SIN3B: variants seen among roughly 807,000 people sequenced by gnomAD.
SIN3B encodes the protein SIN3 transcription regulator family member B, also known as paired amphipathic helix protein Sin3b.
A neutral mutation model predicts 120.2 loss-of-function variants in SIN3B; 19 were observed. That is an observed-to-expected ratio of 0.16 (90% CI 0.11 to 0.23). The LOEUF is 0.23. Ranked by LOEUF, SIN3B falls within the 10% of genes least tolerant of loss-of-function variation. The pLI is 1.00. For synonymous variants in SIN3B, 654 were observed against 653.2 expected (o/e 1.00, Z -0.02); for missense variants, 1,073 against 1,573.0 (o/e 0.68, Z 5.38).
In SIN3B at chr19:16,862,217, T is replaced by C; in HGVS notation, c.1059-135T>C. 1 of 701,618 alleles carries C rather than the reference T, an allele frequency of 1.4e-6. No homozygotes were observed. Among genetic ancestry groups the C allele is most frequent in the Non-Finnish European group, 2.4e-6 (1 of 419,886 alleles). 43.5% of individuals were successfully genotyped at this position (701,618 alleles called of 1,614,324 possible). A position where few individuals can be genotyped will look rare whatever the true frequency, so the allele number is the denominator to read the frequency against. On this transcript the variant is annotated intron_variant, in intron 8 of 18. Coordinates refer to ENST00000248054, the MANE Select transcript of SIN3B (RefSeq NM_001297595.2). The surrounding 1 kb of genome is among the most constrained non-coding windows in gnomAD (Gnocchi z 4.7). ...TTCCTGTGTATTGGATTCTTCCGCC[T>C]CTCATTCGCATCCATGATGTTGAAT...
chr19:16,876,054 G>A lies in SIN3B; in HGVS notation c.2593-1G>A. On this transcript the variant is annotated splice_acceptor_variant, in intron 14 of 18. Coordinates refer to ENST00000248054, the MANE Select transcript of SIN3B (RefSeq NM_001297595.2). LOFTEE classifies it high-confidence loss of function. The surrounding 1 kb of genome is among the most constrained non-coding windows in gnomAD (Gnocchi z 7.1). Reference sequence around the variant, plus strand: ...CGCACCACCTGCTTTCCTCCCGCCAGCTGCACCACCTCGTGAGCGATGACG... The same window carrying A: ...CGCACCACCTGCTTTCCTCCCGCCAACTGCACCACCTCGTGAGCGATGACG... The A allele has an allele frequency of 6.4e-7, 1 of 1,550,670 alleles. No individual in the cohort carries two copies. The highest frequency in any genetic ancestry group is 8.7e-7 in the Non-Finnish European group (1 of 1,145,756).
At chr19:16,874,520 C>T (rs1185297981) in intron 14 of SIN3B, among the ~76,000 whole-genome samples, 4 of 133,472 alleles carry the variant, frequency 3.0e-5, no homozygotes, top group African/African-American at 1.2e-4. Flanking sequence ...ATTTGGTCTG[C>T]TCTGATCTGG....
chr19:16,876,329 C>A lies in SIN3B; in HGVS notation c.2766+101C>A. 7.0e-7 allele frequency: 1 copy of A among 1,432,168 alleles called. No individual in the cohort carries two copies. The highest frequency in any genetic ancestry group is 9.5e-7 in the Non-Finnish European group (1 of 1,054,510). 88.7% of individuals were successfully genotyped at this position (1,432,168 alleles called of 1,614,324 possible). On this transcript the variant is annotated intron_variant, in intron 15 of 18. Coordinates refer to ENST00000248054, the MANE Select transcript of SIN3B (RefSeq NM_001297595.2). This position sits in a 1 kb window ranked among gnomAD's most constrained non-coding sequence, Gnocchi z 7.1. ...GACCCTGGTTCAGCGGCTGGGACAC[C>A]GGCCCTGCTGCAGAGCCCATGAGGT... is the stretch of plus-strand genomic sequence containing the variant.
chr19:16,863,734 G>A lies in SIN3B; in HGVS notation c.1321G>A (p.Val441Ile), dbSNP rs775114267. Residue 441 changes from valine (V) to isoleucine (I), a missense_variant, in exon 10 of 19, where the codon GTC (valine) becomes ATC (isoleucine). Val to Ile is a conservative substitution (Grantham distance 29). This residue lies in a region of SIN3B where 118 missense variants were observed against 281.6 expected (regional missense o/e 0.42). Transcript: ENST00000248054. ...TTCCTGGTCTGAGGACTCCACGTTC[G>A]TCAGCTCCAAGAAGACACCGTACGA... is the stretch of plus-strand genomic sequence containing the variant. ...FPSWSEDSTFVSSKKTPYEEQ... is the reference protein window; with the variant it reads ...FPSWSEDSTFISSKKTPYEEQ... The A allele has an allele frequency of 2.5e-6, 4 of 1,614,178 alleles. No homozygotes were observed. Among genetic ancestry groups the A allele is most frequent in the Middle Eastern group, 1.7e-4 (1 of 6,052 alleles).
rs761633742 is a variant in SIN3B, at chr19:16,878,716, G to GCCTCGCCCTGACCCGC, written c.3387_*9dup. The GCCTCGCCCTGACCCGC allele has an allele frequency of 2.5e-6, 4 of 1,600,182 alleles. No individual in the cohort carries two copies. In the African/African-American group the frequency reaches 4.0e-5, roughly 16 times the overall value. On this transcript the variant is annotated stop_gained and frameshift_variant, in exon 19 of 19. Coordinates refer to ENST00000248054, the MANE Select transcript of SIN3B (RefSeq NM_001297595.2). LOFTEE classifies it high-confidence loss of function. ...CCGCGTGCAGTACAGCCGCCGCCCGGCCTCGCCCTGACCCGCCCTCATGGG... is the reference window on the plus strand; with the variant it reads ...CCGCGTGCAGTACAGCCGCCGCCCGGCCTCGCCCTGACCCGCCCTCGCCCTGACCCGCCCTCATGGG...
chr19:16,839,946 G>A (rs1447527556), intron 3 of SIN3B, among the ~76,000 whole-genome samples: 1 of 152,172 alleles, frequency 6.6e-6, no homozygotes, highest in Non-Finnish European at 1.5e-5. Flanking sequence ...AAAGGTTGCA[G>A]TGAGCCGGGA....
rs750773153 is a variant in SIN3B at position 16,869,714 on chromosome 19, C to T, written c.2061C>T (p.Ser687=). The T allele has an allele frequency of 1.2e-6, 2 of 1,613,248 alleles. No homozygotes were observed. The highest frequency in any genetic ancestry group is 1.7e-6 in the Non-Finnish European group (2 of 1,179,982). ...SEESADEDRD[S]PQGQTTDPSE... is the part of the protein sequence containing the mutation. ...AGTCAGCTGATGAGGACCGGGACAGCCCCCAGGGGCAGACCACAGACCCCA... is the reference window on the plus strand; with the variant it reads ...AGTCAGCTGATGAGGACCGGGACAGTCCCCAGGGGCAGACCACAGACCCCA... Residue 687 remains serine, a synonymous_variant, in exon 13 of 19, where the codon AGC becomes AGT. Coordinates refer to ENST00000248054, the MANE Select transcript of SIN3B (RefSeq NM_001297595.2).
At chr19:16,865,725 T>A in intron 11 of SIN3B, 77 bp downstream of exon 11, 1 of 805,252 alleles carries the variant, frequency 1.2e-6, no homozygotes. Context: ...CCCTCCCCAC[T>A]GCAGGGAGCC....
intron 3 of SIN3B, 64 bp downstream of exon 3, chr19:16,831,711 G>A: frequency 6.8e-7 from 1 of 1,469,126 alleles, no homozygotes; most frequent in South Asian, 1.2e-5. Context: ...TACTCAGGTT[G>A]GGCCACGTGT....
chr19:16,840,349 C>A (rs1403310502), intron 3 of SIN3B, among the ~76,000 whole-genome samples: 1 of 152,120 alleles, frequency 6.6e-6, no homozygotes, highest in Non-Finnish European at 1.5e-5. Context: ...AGAGAGAAGA[C>A]CACATGAGGA....
chr19:16,877,441 G>A, intron 16 of SIN3B, 104 bp from the exon 17 acceptor site: 1 of 789,090 alleles, frequency 1.3e-6, no homozygotes, highest in Non-Finnish European at 2.1e-6. Flanking sequence ...TCTGGCAGTG[G>A]GGGGCACAGA....
chr19:16,874,074 G>T (rs932118420), intron 14 of SIN3B, among the ~76,000 whole-genome samples: 5 of 152,230 alleles, frequency 3.3e-5, no homozygotes, highest in African/African-American at 1.2e-4. Flanking sequence ...AGCCCTGTCT[G>T]CCCCACGATC....
In SIN3B at chr19:16,871,475, G is replaced by A. The variant is rs2051510789; in HGVS notation, c.2592+77G>A. ...CCATCATTTCACTCCCCGCTCGGGA[G>A]GGGGCCCGTGGTCAGCACAGCAAAC... On this transcript the variant is annotated intron_variant, in intron 14 of 18. Transcript: ENST00000248054. The A allele has an allele frequency of 3.6e-6, 5 of 1,391,814 alleles. No individual in the cohort carries two copies. The Admixed American group carries it at 1.1e-4, about 32-fold the overall frequency. The allele number at this position is 1,391,814 out of a possible 1,614,324, so 86.2% of individuals were successfully genotyped here.
At chr19:16,861,637 C>T (rs1368254019) in intron 8 of SIN3B, among the ~76,000 whole-genome samples, 3 of 152,078 alleles carry the variant, frequency 2.0e-5, no homozygotes, top group African/African-American at 7.2e-5. Context: ...GTGGTGCATG[C>T]CTGTAGTCCC....
At chr19:16,877,390 C>T (rs146732552) in intron 16 of SIN3B, 155 bp from the exon 17 acceptor site, 20 of 617,278 alleles carry the variant, frequency 3.2e-5, no homozygotes, top group Non-Finnish European at 5.2e-5. Context: ...GTTGGGGTCT[C>T]CGTCAGGGAT....
chr19:16,842,655 C>G (rs573996742), intron 4 of SIN3B, among the ~76,000 whole-genome samples: 13 of 152,278 alleles, frequency 8.5e-5, no homozygotes, highest in East Asian at 5.8e-4. Flanking sequence ...CTGGGCCCAG[C>G]ACCAGGAGCT....
In SIN3B at chr19:16,876,811, T is replaced by C. The variant is rs1187228826; in HGVS notation, c.2859+233T>C. 4 of 484,244 alleles carry C rather than the reference T, an allele frequency of 8.3e-6. No homozygotes were observed. The highest frequency in any genetic ancestry group is 1.5e-5 in the Non-Finnish European group (4 of 270,506). 30.0% of individuals were successfully genotyped at this position (484,244 alleles called of 1,614,324 possible). A position where few individuals can be genotyped will look rare whatever the true frequency, so the allele number is the denominator to read the frequency against. ...CAGACCACTCCTCCTGAGCAAGCGGTTGTGTCCCAGGGCAGGAGGGGAACC... is the reference window on the plus strand; with the variant it reads ...CAGACCACTCCTCCTGAGCAAGCGGCTGTGTCCCAGGGCAGGAGGGGAACC... On this transcript the variant is annotated intron_variant, in intron 16 of 18. Transcript: ENST00000248054. The surrounding 1 kb of genome is among the most constrained non-coding windows in gnomAD (Gnocchi z 7.1).
chr19:16,869,985 C>T lies in SIN3B; in HGVS notation c.2332C>T (p.Arg778Trp), dbSNP rs890796074. 1.2e-6 allele frequency: 2 copies of T among 1,613,930 alleles called. No individual in the cohort carries two copies. Among genetic ancestry groups the T allele is most frequent in the African/African-American group, 1.3e-5 (1 of 74,938 alleles). The change falls in exon 13 of 19, where the codon CGG becomes TGG. Residue 778 changes from arginine to tryptophan, a missense_variant. Around this residue, in one of 7 missense-constraint regions of SIN3B, gnomAD observed 52 missense variants for 68.8 expected, o/e 0.76. Coordinates refer to ENST00000248054, the MANE Select transcript of SIN3B (RefSeq NM_001297595.2). ...RQAQKQLLEY[R>W]TEKEREKLLC... ...GGCGCAGAAGCAGCTTCTGGAGTAT[C>T]GGACCGAGAAGGAGCGGGAGAAGCT...
intron 3 of SIN3B, among the ~76,000 whole-genome samples, chr19:16,839,525 C>T (rs963035238): frequency 2.6e-5 from 4 of 152,094 alleles, no homozygotes; most frequent in African/African-American, 9.7e-5. Flanking sequence ...GAAATGCCTC[C>T]TTGGAATGGT....
Sources: gnomAD v4.1 joint callset for allele counts (sites outside exome capture counted in the v4.1 genomes callset) on GRCh38, gnomAD v4.1.1 for gene constraint, gnomAD v4.1.1 regional missense constraint, Gnocchi (gnomAD v3.1) non-coding constraint, MANE v1.5 for transcripts, NCBI Gene and HGNC (gene_info 2026-07-23, HGNC 2026-07-21) for gene names.